NPSR1: variants seen among roughly 807,000 people sequenced by gnomAD.
NPSR1 encodes the protein neuropeptide S receptor 1.
Under a neutral mutation model 46.9 loss-of-function variants are expected in NPSR1, and 48 were observed. That is an observed-to-expected ratio of 1.02 (90% CI 0.81 to 1.30). The LOEUF (loss-of-function observed/expected upper bound fraction) is 1.30. NPSR1 is among the 50% of genes most tolerant of loss of function. The pLI is 0.00. For synonymous variants in NPSR1, 176 were observed against 168.1 expected (o/e 1.05, Z -0.36); for missense variants, 450 against 449.5 (o/e 1.00, Z -0.01).
At chr7:34,792,674 T>TATAC (rs1491089812) in intron 3 of NPSR1, among the ~76,000 whole-genome samples, 4 of 120,636 alleles carry the variant, frequency 3.3e-5, no homozygotes, top group African/African-American at 1.3e-4. Flanking sequence ...TTTATATATA[T>TATAC]GTATATATAT....
At chr7:34,851,948 T>A (rs1017447631), downstream of NPSR1, among the ~76,000 whole-genome samples, 1 of 152,216 alleles carries the variant, frequency 6.6e-6, no homozygotes, top group Non-Finnish European at 1.5e-5. Context: ...GATTCTGGAA[T>A]TGTCATTTCC....
intron 3 of NPSR1, among the ~76,000 whole-genome samples, chr7:34,794,318 ACAT>A (rs1788076539): frequency 6.6e-6 from 1 of 152,108 alleles, no homozygotes; most frequent in African/African-American, 2.4e-5. Context: ...ACATATCAAA[ACAT>A]CATATCGTAC....
intron 2 of NPSR1, among the ~76,000 whole-genome samples, chr7:34,740,796 G>T (rs1257681472): frequency 2.0e-5 from 3 of 152,112 alleles, no homozygotes; most frequent in African/African-American, 7.2e-5. Context: ...CCTGCAGAGG[G>T]TCTGTGGGTT....
intron 3 of NPSR1, among the ~76,000 whole-genome samples, chr7:34,784,531 A>G (rs1019210589): frequency 4.6e-5 from 7 of 152,152 alleles, no homozygotes; most frequent in Admixed American, 2.0e-4. Flanking sequence ...CCAGGGATGA[A>G]GCCCACTTGA....
intron 2 of NPSR1, among the ~76,000 whole-genome samples, chr7:34,762,432 A>G (rs1786222520): frequency 6.6e-6 from 1 of 152,212 alleles, no homozygotes; most frequent in Admixed American, 6.5e-5. Context: ...AATAATTTTA[A>G]TTGGCTAAGT....
chr7:34,716,973 G>A lies in NPSR1; in HGVS notation c.280+32289G>A, dbSNP rs141948645. Among the ~76,000 whole-genome samples, 27 of 152,262 alleles carry A rather than the reference G, an allele frequency of 1.8e-4. 1 individual carries two copies. Among genetic ancestry groups the A allele is most frequent in the East Asian group, 1.7e-3 (9 of 5,178 alleles). On this transcript the variant is annotated intron_variant, in intron 2 of 8. Transcript: ENST00000360581. The stretch of plus-strand genomic sequence containing the variant: ...CTTCCCTTAGAGGTGAAGAAGCGAG[G>A]CAGTGCCTGCTTTGGAATGCTTTAA...
At chr7:34,805,424 A>T (rs895716527) in intron 3 of NPSR1, among the ~76,000 whole-genome samples, 1 of 148,068 alleles carries the variant, frequency 6.8e-6, no homozygotes, top group Non-Finnish European at 1.5e-5. Context: ...GCATTGAGAG[A>T]TAGCCTTTTC....
At chr7:34,809,331 C>G (rs974991109) in intron 3 of NPSR1, among the ~76,000 whole-genome samples, 1 of 151,752 alleles carries the variant, frequency 6.6e-6, no homozygotes, top group African/African-American at 2.4e-5. Flanking sequence ...TTCAGAGGAG[C>G]CTTCAATTTC....
chr7:34,732,578 T>C (rs1048366959), intron 2 of NPSR1, among the ~76,000 whole-genome samples: 2 of 152,190 alleles, frequency 1.3e-5, no homozygotes, highest in African/African-American at 4.8e-5. Flanking sequence ...CTCATTGTCC[T>C]CACTCATTCA....
At chr7:34,789,429 T>C (rs1224861948) in intron 3 of NPSR1, among the ~76,000 whole-genome samples, 3 of 151,660 alleles carry the variant, frequency 2.0e-5, no homozygotes, top group Non-Finnish European at 4.4e-5. Context: ...CAAATAAAAT[T>C]AGAAATGAAA....
intron 4 of NPSR1, among the ~76,000 whole-genome samples, chr7:34,822,881 G>A (rs1291129866): frequency 6.6e-6 from 1 of 151,398 alleles, no homozygotes; most frequent in Non-Finnish European, 1.5e-5. Context: ...GAAGCAAGAA[G>A]GAAAATATAG....
chr7:34,661,398 G>A (rs930659401), intron 1 of NPSR1, among the ~76,000 whole-genome samples: 1 of 152,150 alleles, frequency 6.6e-6, no homozygotes, highest in Non-Finnish European at 1.5e-5. Flanking sequence ...TCTATTGCAT[G>A]GCAGCCTTAC....
At chr7:34,729,905 T>C (rs1481075114) in intron 2 of NPSR1, among the ~76,000 whole-genome samples, 1 of 152,128 alleles carries the variant, frequency 6.6e-6, no homozygotes, top group African/African-American at 2.4e-5. Context: ...CCCAAGTAAC[T>C]GGGACTACAG....
chr7:34,809,286 C>A (rs1367009426), intron 3 of NPSR1, among the ~76,000 whole-genome samples: 1 of 151,618 alleles, frequency 6.6e-6, no homozygotes, highest in East Asian at 1.9e-4. Flanking sequence ...CTCTATTTGT[C>A]ACCTTTTCCC....
At chr7:34,858,270 A>T (rs10244870) in intron 8 of NPSR1, among the ~76,000 whole-genome samples, 42,126 of 151,476 alleles carry the variant, frequency 0.28, 6,447 homozygotes, top group Middle Eastern at 0.34. Flanking sequence ...AAGAGCCTCA[A>T]ATTGGAGGCA....
intron 1 of NPSR1, among the ~76,000 whole-genome samples, chr7:34,671,941 C>A (rs1219154686): frequency 1.3e-5 from 2 of 152,136 alleles, no homozygotes; most frequent in Non-Finnish European, 2.9e-5. Flanking sequence ...TTTATTAGCA[C>A]CTCCAGAACA....
intron 1 of NPSR1, among the ~76,000 whole-genome samples, chr7:34,663,732 T>G (rs990577378): frequency 2.6e-5 from 4 of 152,198 alleles, no homozygotes; most frequent in Admixed American, 6.5e-5. Context: ...ATGGGGAAAT[T>G]GATGACACAG....
At chr7:34,665,202 A>G (rs1440238269) in intron 1 of NPSR1, among the ~76,000 whole-genome samples, 1 of 152,122 alleles carries the variant, frequency 6.6e-6, no homozygotes, top group East Asian at 1.9e-4. Flanking sequence ...CAAACCCTAA[A>G]TCTCCGTGAT....
chr7:34,756,592 T>C (rs1785870451), intron 2 of NPSR1, among the ~76,000 whole-genome samples: 1 of 152,240 alleles, frequency 6.6e-6, no homozygotes. Context: ...GCTGTGTAAC[T>C]AAAACTTCTT....
Sources: gnomAD v4.1 joint callset for allele counts (sites outside exome capture counted in the v4.1 genomes callset) on GRCh38, gnomAD v4.1.1 for gene constraint, MANE v1.5 for transcripts, NCBI Gene and HGNC (gene_info 2026-07-23, HGNC 2026-07-21) for gene names.